The following DRC11 variants were observed in gnomAD, a reference collection of about 807,000 sequenced individuals.
DRC11 encodes the protein dynein regulatory complex subunit 11.
chr2:236,340,958 T>A, the DRC11 span, among the ~76,000 whole-genome samples: 1 of 152,120 alleles, frequency 6.6e-6, no homozygotes, highest in Non-Finnish European at 1.5e-5. Flanking sequence ...CCGTCTGTTA[T>A]GCACGAGACC....
chr2:236,350,909 G>A, the DRC11 span, among the ~76,000 whole-genome samples: 5 of 152,178 alleles, frequency 3.3e-5, no homozygotes, highest in African/African-American at 9.7e-5. This position sits in a 1 kb window ranked among gnomAD's most constrained non-coding sequence, Gnocchi z 5.2. Context: ...CCAGAAAGAA[G>A]ATGGGCATGG....
At chr2:236,324,869 C>G in the DRC11 span, 2 of 946,232 alleles carry the variant, frequency 2.1e-6, no homozygotes, top group East Asian at 2.7e-5. The surrounding 1 kb of genome is among the most constrained non-coding windows in gnomAD (Gnocchi z 5.7). Flanking sequence ...GCCTGCTAAG[C>G]AGGAAGGGGC....
chr2:236,347,307 C>T, the DRC11 span, among the ~76,000 whole-genome samples: 2 of 152,020 alleles, frequency 1.3e-5, no homozygotes, highest in South Asian at 2.1e-4. Context: ...CTATGGAAAA[C>T]GGTGTGGAGA....
chr2:236,334,033 A>G, the DRC11 span, among the ~76,000 whole-genome samples: 5 of 152,150 alleles, frequency 3.3e-5, no homozygotes, highest in Non-Finnish European at 7.3e-5. The surrounding 1 kb of genome is among the most constrained non-coding windows in gnomAD (Gnocchi z 7.8). Context: ...TACATGACTC[A>G]TTGGTTACTC....
chr2:236,390,394 T>C, the DRC11 span, among the ~76,000 whole-genome samples: 1 of 152,222 alleles, frequency 6.6e-6, no homozygotes, highest in African/African-American at 2.4e-5. The surrounding 1 kb of genome is among the most constrained non-coding windows in gnomAD (Gnocchi z 5.9). Context: ...TAGCATATAG[T>C]TGGATTTTTA....
chr2:236,440,738 A>T, the DRC11 span, among the ~76,000 whole-genome samples: 3 of 152,116 alleles, frequency 2.0e-5, no homozygotes, highest in African/African-American at 7.2e-5. Flanking sequence ...CTTGGAGATG[A>T]GGGGAGAGGG....
chr2:236,373,758 C>G, the DRC11 span, among the ~76,000 whole-genome samples: 1 of 152,282 alleles, frequency 6.6e-6, no homozygotes, highest in East Asian at 1.9e-4. Flanking sequence ...GATAGCTTTT[C>G]CAGTTTCACA....
chr2:236,356,434 G>A, the DRC11 span, among the ~76,000 whole-genome samples: 1 of 152,146 alleles, frequency 6.6e-6, no homozygotes, highest in African/African-American at 2.4e-5. Context: ...TCTTGTGGAG[G>A]GCACATCCTC....
the DRC11 span, among the ~76,000 whole-genome samples, chr2:236,440,078 A>G: frequency 6.6e-6 from 1 of 152,338 alleles, no homozygotes; most frequent in Middle Eastern, 3.4e-3. Flanking sequence ...ATGCAAATTA[A>G]AAGTCCTTCC....
At chr2:236,424,411 G>C in the DRC11 span, among the ~76,000 whole-genome samples, 1 of 151,958 alleles carries the variant, frequency 6.6e-6, no homozygotes, top group African/African-American at 2.4e-5. Flanking sequence ...ACATTTTCAT[G>C]GTTCACAATT....
chr2:236,357,517 TA>T, the DRC11 span, among the ~76,000 whole-genome samples: 4 of 127,384 alleles, frequency 3.1e-5, no homozygotes, highest in African/African-American at 1.3e-4. Flanking sequence ...ATTATAAATA[TA>T]TTTATATATT....
the DRC11 span, among the ~76,000 whole-genome samples, chr2:236,375,147 A>C: frequency 2.6e-5 from 4 of 152,156 alleles, no homozygotes; most frequent in Non-Finnish European, 1.5e-5. The surrounding 1 kb of genome is among the most constrained non-coding windows in gnomAD (Gnocchi z 4.2). Context: ...ACTGGGGATT[A>C]TAATTCTACA....
the DRC11 span, among the ~76,000 whole-genome samples, chr2:236,405,696 T>C: frequency 9.9e-5 from 15 of 152,200 alleles, no homozygotes; most frequent in African/African-American, 3.1e-4. This position sits in a 1 kb window ranked among gnomAD's most constrained non-coding sequence, Gnocchi z 4.6. Flanking sequence ...GTAGTCCTCC[T>C]TTCTCCAAGG....
chr2:236,357,677 TA>T, the DRC11 span, among the ~76,000 whole-genome samples: 22 of 124,274 alleles, frequency 1.8e-4, no homozygotes, highest in African/African-American at 3.6e-4. Context: ...CATAAATATA[TA>T]TTTACAATAT....
the DRC11 span, among the ~76,000 whole-genome samples, chr2:236,441,438 A>C: frequency 1.3e-5 from 2 of 152,030 alleles, no homozygotes; most frequent in Non-Finnish European, 2.9e-5. Context: ...AAGCACAAAT[A>C]ATTTCTTCCT....
At chr2:236,448,041 C>T in the DRC11 span, among the ~76,000 whole-genome samples, 2 of 151,974 alleles carry the variant, frequency 1.3e-5, no homozygotes, top group African/African-American at 4.8e-5. The surrounding 1 kb of genome is among the most constrained non-coding windows in gnomAD (Gnocchi z 5.3). Context: ...AATTATTATG[C>T]AAAAAAGCAG....
chr2:236,492,657 A>T, the DRC11 span, among the ~76,000 whole-genome samples: 1 of 152,280 alleles, frequency 6.6e-6, no homozygotes, highest in Admixed American at 6.5e-5. Context: ...GGCCAGCCAG[A>T]AGGGTGAGGC....
At chr2:236,477,543 A>T in the DRC11 span, among the ~76,000 whole-genome samples, 1 of 152,052 alleles carries the variant, frequency 6.6e-6, no homozygotes, top group Non-Finnish European at 1.5e-5. Flanking sequence ...TGCAGTTCAA[A>T]CCTGTGTGGT....
chr2:236,324,793 A>G, the DRC11 span: 1 of 1,589,260 alleles, frequency 6.3e-7, no homozygotes, highest in Non-Finnish European at 8.6e-7. This position sits in a 1 kb window ranked among gnomAD's most constrained non-coding sequence, Gnocchi z 5.7. Flanking sequence ...TCTGAAATAC[A>G]ATAGAAGTTT....
Sources: allele counts gnomAD v4.1 joint callset (sites outside exome capture counted in the v4.1 genomes callset), GRCh38; gene constraint gnomAD v4.1.1; non-coding constraint Gnocchi (gnomAD v3.1); transcripts MANE v1.5; gene names NCBI Gene and HGNC (gene_info 2026-07-23, HGNC 2026-07-21).